CPEB1: variants seen among roughly 807,000 people sequenced by gnomAD.
CPEB1 encodes cytoplasmic polyadenylation element binding protein 1.
CPEB1 carries 7 observed loss-of-function variants against 65.8 expected under a neutral mutation model. The observed-to-expected ratio is 0.11, with a 90% CI of 0.06 to 0.20. The LOEUF is 0.20. Among genes scored for constraint, CPEB1 ranks in the 10% least tolerant of loss-of-function variants. The pLI, the probability that CPEB1 is intolerant of heterozygous loss-of-function variation, is 1.00. For synonymous variants in CPEB1, 262 were observed against 260.0 expected (o/e 1.01, Z -0.08); for missense variants, 551 against 712.2 (o/e 0.77, Z 2.58).
At chr15:82,617,386 G>A (rs2044821163) in intron 3 of CPEB1, among the ~76,000 whole-genome samples, 1 of 152,124 alleles carries the variant, frequency 6.6e-6, no homozygotes, top group Non-Finnish European at 1.5e-5. Context: ...ACGGTAAATG[G>A]TTTCATTTCT....
chr15:82,619,261 A>C (rs1449957067), intron 3 of CPEB1, among the ~76,000 whole-genome samples: 1 of 152,246 alleles, frequency 6.6e-6, no homozygotes, highest in Non-Finnish European at 1.5e-5. Flanking sequence ...GAACAAAATT[A>C]ATCTTCCCCT....
chr15:82,606,153 T>C (rs999932439), intron 3 of CPEB1, among the ~76,000 whole-genome samples: 1 of 152,148 alleles, frequency 6.6e-6, no homozygotes, highest in African/African-American at 2.4e-5. Flanking sequence ...TTATTTGACC[T>C]AGATTGTTAA....
At chr15:82,595,286 C>T (rs2042586826) in intron 3 of CPEB1, among the ~76,000 whole-genome samples, 1 of 152,196 alleles carries the variant, frequency 6.6e-6, no homozygotes, top group South Asian at 2.1e-4. Context: ...AAATGCCCAC[C>T]TATAAGTTTT....
intron 3 of CPEB1, among the ~76,000 whole-genome samples, chr15:82,580,175 G>A (rs2041129215): frequency 6.6e-6 from 1 of 151,468 alleles, no homozygotes; most frequent in Non-Finnish European, 1.5e-5. Context: ...CTAAAAATTA[G>A]CTGGGCATGG....
intron 1 of CPEB1, among the ~76,000 whole-genome samples, chr15:82,643,922 G>A (rs1174171888): frequency 6.6e-6 from 1 of 152,168 alleles, no homozygotes; most frequent in Non-Finnish European, 1.5e-5. Flanking sequence ...TAAGCTCCAT[G>A]TTACTTTTAC....
chr15:82,550,391 A>T (rs764336388), intron 9 of CPEB1, among the ~76,000 whole-genome samples: 5 of 152,234 alleles, frequency 3.3e-5, no homozygotes, highest in Non-Finnish European at 7.3e-5. Context: ...CAGTAGTTTC[A>T]AAGGACAGGT....
At chr15:82,566,920 C>T (rs1187837749) in intron 4 of CPEB1, among the ~76,000 whole-genome samples, 1 of 152,048 alleles carries the variant, frequency 6.6e-6, no homozygotes, top group Non-Finnish European at 1.5e-5. Context: ...AGAATCTGTC[C>T]ATCCAGCTAA....
chr15:82,596,590 C>A (rs1208458631), intron 3 of CPEB1, among the ~76,000 whole-genome samples: 1 of 150,056 alleles, frequency 6.7e-6, no homozygotes, highest in East Asian at 2.0e-4. Flanking sequence ...CCCAGCTACT[C>A]GGGAGGCTGA....
At chr15:82,595,409 A>G (rs1341599330) in intron 3 of CPEB1, among the ~76,000 whole-genome samples, 2 of 152,236 alleles carry the variant, frequency 1.3e-5, no homozygotes, top group African/African-American at 4.8e-5. Flanking sequence ...ATTTCACATT[A>G]GCAATGTATA....
At chr15:82,612,540 G>A (rs557268357) in intron 3 of CPEB1, among the ~76,000 whole-genome samples, 1 of 147,516 alleles carries the variant, frequency 6.8e-6, no homozygotes, top group Admixed American at 6.8e-5. Context: ...TTGAATAATT[G>A]TATTTTAAAA....
intron 1 of CPEB1, among the ~76,000 whole-genome samples, chr15:82,639,963 T>A (rs774220597): frequency 1.6e-4 from 24 of 152,138 alleles, no homozygotes; most frequent in Non-Finnish European, 3.5e-4. Flanking sequence ...TGTTTAACTC[T>A]CCCGGGAAAA....
intron 3 of CPEB1, among the ~76,000 whole-genome samples, chr15:82,584,258 C>CA (rs71156038): frequency 0.17 from 9,215 of 53,324 alleles, 1,610 homozygotes; most frequent in South Asian, 0.25. Context: ...GACTCCGTCT[C>CA]AAAAAAAAAA....
chr15:82,626,407 C>G (rs1374388817), intron 3 of CPEB1, among the ~76,000 whole-genome samples: 1 of 152,100 alleles, frequency 6.6e-6, no homozygotes, highest in Non-Finnish European at 1.5e-5. Context: ...GCACTCCAAC[C>G]TGGCAACAGA....
At chr15:82,629,767 C>T (rs953657209) in intron 1 of CPEB1, 1 of 985,236 alleles carries the variant, frequency 1.0e-6, no homozygotes, top group Non-Finnish European at 1.2e-6. Context: ...CAAAACAAAA[C>T]AAGAAGAGGC....
At chr15:82,618,809 G>A (rs1254462783) in intron 3 of CPEB1, among the ~76,000 whole-genome samples, 1 of 152,130 alleles carries the variant, frequency 6.6e-6, no homozygotes, top group Non-Finnish European at 1.5e-5. Context: ...AATTTTTAAA[G>A]ACCAGATAAG....
intron 1 of CPEB1, among the ~76,000 whole-genome samples, chr15:82,634,606 T>TA (rs2046508646): frequency 6.6e-6 from 1 of 152,240 alleles, no homozygotes; most frequent in East Asian, 1.9e-4. Flanking sequence ...GCCCAAGGTT[T>TA]ACTCAGTCCT....
At chr15:82,558,757 TG>T (rs1411897505) in intron 4 of CPEB1, among the ~76,000 whole-genome samples, 1 of 152,116 alleles carries the variant, frequency 6.6e-6, no homozygotes, top group Non-Finnish European at 1.5e-5. Context: ...AGATACCAGA[TG>T]GAAAGAGCTC....
At chr15:82,640,014 T>C (rs2046979053) in intron 1 of CPEB1, among the ~76,000 whole-genome samples, 1 of 152,182 alleles carries the variant, frequency 6.6e-6, no homozygotes, top group African/African-American at 2.4e-5. Context: ...CCACGTGCCT[T>C]TTCCCTTTGA....
chr15:82,626,704 T>C (rs2045805638), intron 3 of CPEB1, among the ~76,000 whole-genome samples: 2 of 152,170 alleles, frequency 1.3e-5, no homozygotes, highest in African/African-American at 2.4e-5. Flanking sequence ...TCCAGTGCAG[T>C]AGCCACTAAA....
Sources: allele counts gnomAD v4.1 joint callset (sites outside exome capture counted in the v4.1 genomes callset), GRCh38; gene constraint gnomAD v4.1.1; transcripts MANE v1.5; gene names NCBI Gene and HGNC (gene_info 2026-07-23, HGNC 2026-07-21).